TMEM200A: variants seen among roughly 807,000 people sequenced by gnomAD.
The protein encoded by TMEM200A is transmembrane protein 200A, also known as two transmembrane C.
TMEM200A carries 12 observed loss-of-function variants against 24.3 expected under a neutral mutation model. The observed-to-expected ratio is 0.49, with a 90% CI of 0.32 to 0.80. TMEM200A has a LOEUF of 0.80. Among genes scored for constraint, TMEM200A ranks in the 30% least tolerant of loss-of-function variants. TMEM200A has a pLI of 0.04. For missense variants in TMEM200A, 545 were observed against 614.4 expected (o/e 0.89, Z 1.19); for synonymous variants, 224 against 224.4 (o/e 1.00, Z 0.02).
At position 130,436,142 on chromosome 6, in the gene TMEM200A, A is replaced by C. The variant is rs114946071; in HGVS notation, c.-16-4265A>C. ...GAGGCCCCTCCCCATCTCAAATGGG[A>C]GGCTCTGGGGTAACCTCCTAGCTGT... On this transcript the variant is annotated intron_variant, in intron 2 of 2. Coordinates refer to ENST00000296978, the MANE Select transcript of TMEM200A (RefSeq NM_001258277.2). Among the ~76,000 whole-genome samples, 640 of 152,230 alleles carry C rather than the reference A, an allele frequency of 4.2e-3. 7 individuals are homozygous for C. The highest frequency in any genetic ancestry group is 0.014 in the African/African-American group (596 of 41,560).
At chr6:130,376,032 G>A (rs1778448986) in intron 1 of TMEM200A, among the ~76,000 whole-genome samples, 1 of 151,608 alleles carries the variant, frequency 6.6e-6, no homozygotes, top group Non-Finnish European at 1.5e-5. Flanking sequence ...AATATAAATA[G>A]CAATTTCAAA....
At chr6:130,391,846 C>T (rs1218571480) in intron 2 of TMEM200A, among the ~76,000 whole-genome samples, 1 of 148,308 alleles carries the variant, frequency 6.7e-6, no homozygotes, top group Non-Finnish European at 1.5e-5. Context: ...GGGTTAACAC[C>T]ATTCTCCTGC....
intron 1 of TMEM200A, among the ~76,000 whole-genome samples, chr6:130,382,236 TA>T (rs1417059547): frequency 3.3e-5 from 5 of 152,220 alleles, no homozygotes; most frequent in African/African-American, 1.2e-4. Context: ...AAAGGCCATG[TA>T]AGTGAAGATC....
chr6:130,408,108 G>A (rs1779246667), intron 2 of TMEM200A, among the ~76,000 whole-genome samples: 1 of 152,154 alleles, frequency 6.6e-6, no homozygotes, highest in Non-Finnish European at 1.5e-5. Context: ...TCCCAGGATA[G>A]TAATAAAAGT....
chr6:130,402,622 C>G (rs1469731728), intron 2 of TMEM200A, among the ~76,000 whole-genome samples: 5 of 151,902 alleles, frequency 3.3e-5, no homozygotes, highest in African/African-American at 1.2e-4. Context: ...ACTTTTCTTT[C>G]TTGCTGTCTA....
chr6:130,369,461 T>G (rs1461754937), intron 1 of TMEM200A, among the ~76,000 whole-genome samples: 1 of 152,168 alleles, frequency 6.6e-6, no homozygotes, highest in Non-Finnish European at 1.5e-5. Flanking sequence ...GGTTACATTC[T>G]GGAACACAGA....
chr6:130,410,643 T>C (rs1779309170), intron 2 of TMEM200A, among the ~76,000 whole-genome samples: 1 of 152,220 alleles, frequency 6.6e-6, no homozygotes, highest in Non-Finnish European at 1.5e-5. Flanking sequence ...GCAGATCCGT[T>C]GTTTCAACAA....
intron 1 of TMEM200A, among the ~76,000 whole-genome samples, chr6:130,375,038 T>C (rs1340757910): frequency 6.6e-6 from 1 of 152,198 alleles, no homozygotes; most frequent in African/African-American, 2.4e-5. Context: ...TTTCCACAAC[T>C]ATTATATTCC....
intron 1 of TMEM200A, among the ~76,000 whole-genome samples, chr6:130,370,650 C>G (rs1778299831): frequency 6.6e-6 from 1 of 152,064 alleles, no homozygotes; most frequent in Non-Finnish European, 1.5e-5. Flanking sequence ...AGGTATAGCC[C>G]AGTGATGAAA....
At chr6:130,365,813 G>C (rs2115053817), upstream of TMEM200A, 2 of 985,584 alleles carry the variant, frequency 2.0e-6, no homozygotes. Context: ...GGCCGGCCTG[G>C]GCTCCTGCAG....
intron 2 of TMEM200A, among the ~76,000 whole-genome samples, chr6:130,403,208 T>C (rs1288123787): frequency 6.6e-6 from 1 of 152,126 alleles, no homozygotes; most frequent in Admixed American, 6.6e-5. Flanking sequence ...AATTACTAAA[T>C]TGAACTCTTT....
At chr6:130,379,459 T>C (rs1489127574) in intron 1 of TMEM200A, among the ~76,000 whole-genome samples, 5 of 152,142 alleles carry the variant, frequency 3.3e-5, no homozygotes, top group African/African-American at 1.2e-4. Flanking sequence ...CAATAGGCCA[T>C]AGGAGGAGTC....
intron 2 of TMEM200A, among the ~76,000 whole-genome samples, chr6:130,419,646 T>A (rs1046678721): frequency 6.3e-4 from 96 of 152,246 alleles, no homozygotes; most frequent in African/African-American, 2.3e-3. Flanking sequence ...CAAACACATA[T>A]CAATGTGGCA....
At chr6:130,394,184 T>C (rs1310231910) in intron 2 of TMEM200A, among the ~76,000 whole-genome samples, 3 of 152,170 alleles carry the variant, frequency 2.0e-5, no homozygotes, top group Non-Finnish European at 4.4e-5. Flanking sequence ...TTGTTCTATA[T>C]TGAGGGAGCC....
intron 2 of TMEM200A, among the ~76,000 whole-genome samples, chr6:130,398,460 A>G (rs1213040455): frequency 2.0e-5 from 3 of 151,596 alleles, no homozygotes; most frequent in Non-Finnish European, 4.4e-5. Context: ...TTTTGATACA[A>G]TGATTTCTTT....
chr6:130,436,058 T>G (rs1008899450), intron 2 of TMEM200A, among the ~76,000 whole-genome samples: 3 of 152,158 alleles, frequency 2.0e-5, no homozygotes, highest in African/African-American at 7.2e-5. Flanking sequence ...TTGCATTTGG[T>G]GTTATGGAAA....
intron 2 of TMEM200A, among the ~76,000 whole-genome samples, chr6:130,392,424 A>T (rs1778856452): frequency 6.6e-6 from 1 of 152,228 alleles, no homozygotes; most frequent in Non-Finnish European, 1.5e-5. Context: ...CAGTATGCAC[A>T]GTTCATTCTT....
intron 1 of TMEM200A, among the ~76,000 whole-genome samples, chr6:130,382,774 T>A (rs1778630320): frequency 6.6e-6 from 1 of 152,212 alleles, no homozygotes; most frequent in Non-Finnish European, 1.5e-5. Flanking sequence ...GCTTGATTTT[T>A]GGAGACTAGT....
At chr6:130,432,474 C>T (rs1005109070) in intron 2 of TMEM200A, among the ~76,000 whole-genome samples, 6 of 152,166 alleles carry the variant, frequency 3.9e-5, no homozygotes, top group Non-Finnish European at 8.8e-5. Flanking sequence ...ATTGTTAATG[C>T]TTTTGCCACT....
Sources: allele counts gnomAD v4.1 joint callset (sites outside exome capture counted in the v4.1 genomes callset), GRCh38; gene constraint gnomAD v4.1.1; transcripts MANE v1.5; gene names NCBI Gene and HGNC (gene_info 2026-07-23, HGNC 2026-07-21).